Variants in LRTM1 observed in about 807,000 individuals in gnomAD.
The protein encoded by LRTM1 is leucine-rich repeat and transmembrane domain-containing protein 1.
Under a neutral mutation model 32.4 loss-of-function variants are expected in LRTM1, and 38 were observed. The ratio of observed to expected loss-of-function variants is 1.17; its 90% confidence interval spans 0.91 to 1.54. The LOEUF is 1.54. Among genes scored for constraint, LRTM1 ranks in the 40% most tolerant of loss-of-function variants. LRTM1 has a pLI of 0.00. For synonymous variants in LRTM1, 186 were observed against 169.9 expected (o/e 1.09, Z -0.74); for missense variants, 466 against 415.4 (o/e 1.12, Z -1.06).
chr3:54,941,928 A>G (rs1171998300), intron 1 of LRTM1, among the ~76,000 whole-genome samples: 1 of 152,184 alleles, frequency 6.6e-6, no homozygotes, highest in Non-Finnish European at 1.5e-5. Flanking sequence ...ATAAACTTCA[A>G]CCTCGTGAAA....
At chr3:54,931,547 C>A (rs1575386293), upstream of LRTM1, among the ~76,000 whole-genome samples, 1 of 152,170 alleles carries the variant, frequency 6.6e-6, no homozygotes, top group African/African-American at 2.4e-5. Context: ...GAATGCAGCT[C>A]AGGCCAGAGC....
intron 1 of LRTM1, among the ~76,000 whole-genome samples, chr3:54,950,772 C>T (rs1351629428): frequency 6.6e-6 from 1 of 152,118 alleles, no homozygotes; most frequent in Non-Finnish European, 1.5e-5. Flanking sequence ...ATATCTTGCA[C>T]CTTGATCGGG....
intron 1 of LRTM1, among the ~76,000 whole-genome samples, chr3:54,935,509 A>G (rs906499905): frequency 4.6e-5 from 7 of 152,220 alleles, no homozygotes; most frequent in Non-Finnish European, 1.0e-4. Context: ...AAGCCTGGCC[A>G]AAGCCTCACA....
chr3:54,964,913 C>G (rs1702114314), intron 1 of LRTM1, among the ~76,000 whole-genome samples: 1 of 152,026 alleles, frequency 6.6e-6, no homozygotes, highest in African/African-American at 2.4e-5. Context: ...CCCTTACTCT[C>G]ATTCTCCCAT....
chr3:54,958,975 C>G (rs1701968395), intron 1 of LRTM1, among the ~76,000 whole-genome samples: 2 of 152,032 alleles, frequency 1.3e-5, no homozygotes, highest in Admixed American at 1.3e-4. Flanking sequence ...GTGGCACATG[C>G]CTGTAGTCCT....
chr3:54,950,197 G>T (rs17054602), intron 1 of LRTM1, among the ~76,000 whole-genome samples: 9,829 of 152,234 alleles, frequency 0.065, 907 homozygotes, highest in African/African-American at 0.2. Context: ...TTCTTGTTTT[G>T]TTCTGAGCTG....
At position 54,924,853 on chromosome 3, in the gene LRTM1, G is replaced by A; in HGVS notation, c.370C>T (p.Leu124=). Residue 124 remains leucine, a synonymous_variant, in exon 2 of 3, where the codon CTG becomes TTG. Transcript: ENST00000273286. ...TTTGATGACAAATCAAGCTCCCTCA[G>A]CTGAGGGAGGGAATGGAAAAGTCTG... ...ESRLFHSLPQ[L]RELDLSSNNI... 1 of 1,613,966 alleles carries A rather than the reference G, an allele frequency of 6.2e-7. No homozygotes were observed. Among genetic ancestry groups the A allele is most frequent in the African/African-American group, 1.3e-5 (1 of 75,026 alleles).
At chr3:54,923,179 T>C (rs1293540300) in intron 2 of LRTM1, among the ~76,000 whole-genome samples, 1 of 152,120 alleles carries the variant, frequency 6.6e-6, no homozygotes, top group African/African-American at 2.4e-5. Context: ...TTCAAGAGCT[T>C]TCCATCTCAC....
At chr3:54,942,206 G>A (rs1367540531) in intron 1 of LRTM1, among the ~76,000 whole-genome samples, 1 of 152,214 alleles carries the variant, frequency 6.6e-6, no homozygotes, top group Non-Finnish European at 1.5e-5. Context: ...CTGCCCAGGT[G>A]TGTCAGTGCT....
At chr3:54,964,297 G>C (rs2107056165) in intron 1 of LRTM1, among the ~76,000 whole-genome samples, 1 of 152,288 alleles carries the variant, frequency 6.6e-6, no homozygotes, top group African/African-American at 2.4e-5. Context: ...CAGCAGGGAG[G>C]GAGCCCTGGG....
intron 1 of LRTM1, among the ~76,000 whole-genome samples, chr3:54,942,090 G>C (rs1701484260): frequency 6.6e-6 from 1 of 152,242 alleles, no homozygotes; most frequent in Admixed American, 6.5e-5. Context: ...GGTTTACCAA[G>C]GAAGTGTTGG....
chr3:54,922,515 G>C (rs1212390216), intron 2 of LRTM1, among the ~76,000 whole-genome samples: 1 of 152,100 alleles, frequency 6.6e-6, no homozygotes, highest in Non-Finnish European at 1.5e-5. Flanking sequence ...TGGTTGGCTT[G>C]AATGTCGACT....
In LRTM1 at chr3:54,928,006, CT is replaced by C; in HGVS notation, c.-96del. 1 of 1,160,238 alleles carries C rather than the reference CT, an allele frequency of 8.6e-7. No homozygotes were observed. The highest frequency in any genetic ancestry group is 1.3e-6 in the Non-Finnish European group (1 of 774,284). 71.9% of individuals were successfully genotyped at this position (1,160,238 alleles called of 1,614,324 possible). ...AGGGCATGGCAGACTCAGAGCCCAGCTTTACATTCAGTCTTTCTGAACCCTG... is the reference window on the plus strand; with the variant it reads ...AGGGCATGGCAGACTCAGAGCCCAGCTTACATTCAGTCTTTCTGAACCCTG... On this transcript the variant is annotated 5_prime_UTR_variant, in exon 1 of 3. Transcript: ENST00000273286.
At chr3:54,929,973 G>A (rs570412727), upstream of LRTM1, among the ~76,000 whole-genome samples, 3 of 152,146 alleles carry the variant, frequency 2.0e-5, no homozygotes, top group Admixed American at 2.0e-4. Context: ...CTTTCCCTGG[G>A]GTCAGAAACA....
intron 1 of LRTM1, among the ~76,000 whole-genome samples, chr3:54,956,697 A>G (rs1301572545): frequency 2.0e-5 from 3 of 152,186 alleles, no homozygotes; most frequent in Non-Finnish European, 4.4e-5. Context: ...ATCTTAAGGT[A>G]ATGGCCTAAT....
chr3:54,943,843 A>G (rs1328430114), intron 1 of LRTM1, among the ~76,000 whole-genome samples: 4 of 151,924 alleles, frequency 2.6e-5, no homozygotes, highest in South Asian at 4.2e-4. Flanking sequence ...TTTCTCTGTC[A>G]TCTCCCCCTT....
chr3:54,926,315 G>A (rs1701016015), intron 1 of LRTM1, among the ~76,000 whole-genome samples: 1 of 152,090 alleles, frequency 6.6e-6, no homozygotes, highest in Non-Finnish European at 1.5e-5. Flanking sequence ...TGAAAGATGA[G>A]GAAGCTAGGC....
chr3:54,946,504 C>T (rs745811776), intron 1 of LRTM1, among the ~76,000 whole-genome samples: 10 of 152,068 alleles, frequency 6.6e-5, no homozygotes, highest in African/African-American at 1.4e-4. Context: ...ATGTGAGGGC[C>T]GTTAGCAGCA....
In LRTM1 at chr3:54,923,127, T is replaced by C. The variant is rs190931430; in HGVS notation, c.604+1492A>G. Among the ~76,000 whole-genome samples the C allele has an allele frequency of 2.8e-3, 424 of 152,270 alleles. 1 individual carries two copies. Among genetic ancestry groups the C allele is most frequent in the Non-Finnish European group, 5.0e-3 (342 of 68,028 alleles). ...TCCCAAGAGTCTACAGAGTGACCTT[T>C]TACATTGTAATCAGATCCTATTGTT... On this transcript the variant is annotated intron_variant, in intron 2 of 2. Transcript: ENST00000273286.
Sources: gnomAD v4.1 joint callset for allele counts (sites outside exome capture counted in the v4.1 genomes callset) on GRCh38, gnomAD v4.1.1 for gene constraint, MANE v1.5 for transcripts, NCBI Gene and HGNC (gene_info 2026-07-23, HGNC 2026-07-21) for gene names.